Variants in IFT81 observed in about 807,000 individuals in gnomAD.
The protein encoded by IFT81 is intraflagellar transport protein 81 homolog.
IFT81 carries 72 observed loss-of-function variants against 102.6 expected under a neutral mutation model. The observed-to-expected ratio is 0.70, with a 90% CI of 0.58 to 0.85. The LOEUF (loss-of-function observed/expected upper bound fraction) is 0.85, where lower values mean the gene tolerates loss of function less well. Among genes scored for constraint, IFT81 ranks in the 40% least tolerant of loss-of-function variants. IFT81 has a pLI of 0.00. For synonymous variants in IFT81, 237 were observed against 242.7 expected (o/e 0.98, Z 0.22); for missense variants, 723 against 787.3 (o/e 0.92, Z 0.98).
Position 110,178,076 on chromosome 12 carries a change from C to T in IFT81, c.1189-2346C>T, listed in dbSNP as rs139645139. Among the ~76,000 whole-genome samples the T allele has an allele frequency of 6.9e-3, 1,038 of 150,940 alleles. 1 individual carries two copies. The highest frequency in any genetic ancestry group is 9.4e-3 in the Non-Finnish European group (641 of 67,860). ...CGCCACTGTACTCCAGCCTAGGTGACAGAGCGAGACTCTGTCTCAAAGAAA... is the reference window on the plus strand; with the variant it reads ...CGCCACTGTACTCCAGCCTAGGTGATAGAGCGAGACTCTGTCTCAAAGAAA... On this transcript the variant is annotated intron_variant, in intron 11 of 18. Coordinates refer to ENST00000242591, the MANE Select transcript of IFT81 (RefSeq NM_014055.4).
At chr12:110,187,789 T>C (rs1160728407) in intron 12 of IFT81, among the ~76,000 whole-genome samples, 1 of 152,186 alleles carries the variant, frequency 6.6e-6, no homozygotes, top group African/African-American at 2.4e-5. Flanking sequence ...AGCTGGTATT[T>C]CTCCAGTTTT....
chr12:110,156,517 G>C (rs1177193435), intron 10 of IFT81, among the ~76,000 whole-genome samples: 1 of 149,962 alleles, frequency 6.7e-6, no homozygotes, highest in Non-Finnish European at 1.5e-5. Flanking sequence ...TTTTTTTGGA[G>C]ATGGAGTCTC....
chr12:110,205,351 A>G lies in IFT81; in HGVS notation c.1645-92A>G. The G allele has an allele frequency of 5.2e-6, 7 of 1,356,060 alleles. No individual in the cohort carries two copies. In the South Asian group the frequency reaches 1.1e-4, roughly 22 times the overall value. 84.0% of individuals were successfully genotyped at this position (1,356,060 alleles called of 1,614,324 possible). A position where few individuals can be genotyped will look rare whatever the true frequency, so the allele number is the denominator to read the frequency against. ...AATTGCAGAAGAGGAAATGACTCTGATGGTAGTCCTTTGTTGTACATCTAA... is the reference window on the plus strand; with the variant it reads ...AATTGCAGAAGAGGAAATGACTCTGGTGGTAGTCCTTTGTTGTACATCTAA... On this transcript the variant is annotated intron_variant, in intron 15 of 18. Coordinates refer to ENST00000242591, the MANE Select transcript of IFT81 (RefSeq NM_014055.4).
At position 110,163,004 on chromosome 12, in the gene IFT81, C is replaced by T; in HGVS notation, c.1127C>T (p.Ala376Val). 1 of 1,613,842 alleles carries T rather than the reference C, an allele frequency of 6.2e-7. No homozygotes were observed. Among genetic ancestry groups the T allele is most frequent in the South Asian group, 1.1e-5 (1 of 91,076 alleles). Residue 376 changes from alanine to valine, a missense_variant, in exon 11 of 19, where the codon GCA (alanine) becomes GTA (valine). Transcript: ENST00000242591. ...KEKLASLERE[A>V]SVKRNQTREF... ...AAGTTAGCCAGCCTAGAGAGAGAAG[C>T]ATCAGTAAAGAGAAATCAGACCCGT...
rs398044810 is a variant in IFT81, at chr12:110,139,336, CA to C, written c.781+2495del. Reference sequence around the variant, plus strand: ...TGGGCAACAGAGGGAGACTCTGTCTCAAAAAAAAAAAAAAAAAAAGAAAAGG... The same window carrying C: ...TGGGCAACAGAGGGAGACTCTGTCTCAAAAAAAAAAAAAAAAAAGAAAAGG... On this transcript the variant is annotated intron_variant, in intron 8 of 18. Coordinates refer to ENST00000242591, the MANE Select transcript of IFT81 (RefSeq NM_014055.4). 8.4e-3 allele frequency among the ~76,000 whole-genome samples: 444 copies of C among 52,578 alleles called. 4 individuals are homozygous for C. The highest frequency in any genetic ancestry group is 0.033 in the East Asian group (53 of 1,594). 34.5% of individuals were successfully genotyped at this position (52,578 alleles called of 152,430 possible). A position where few individuals can be genotyped will look rare whatever the true frequency, so the allele number is the denominator to read the frequency against.
intron 14 of IFT81, among the ~76,000 whole-genome samples, chr12:110,201,722 C>G (rs1212234523): frequency 6.6e-6 from 1 of 152,126 alleles, no homozygotes. Context: ...GCTGGAATTA[C>G]AAGATTGTGC....
chr12:110,135,664 C>G (rs1894451893), intron 7 of IFT81, among the ~76,000 whole-genome samples: 2 of 151,870 alleles, frequency 1.3e-5, no homozygotes, highest in African/African-American at 4.8e-5. Context: ...GTCAGGAGTT[C>G]AAGACCAGCC....
At chr12:110,131,773 C>G (rs1170103890) in intron 4 of IFT81, among the ~76,000 whole-genome samples, 1 of 152,114 alleles carries the variant, frequency 6.6e-6, no homozygotes, top group Non-Finnish European at 1.5e-5. Context: ...TGGAGGGAGA[C>G]AGACAGAAAA....
Position 110,180,481 on chromosome 12 carries a change from G to C in IFT81, c.1248G>C (p.Gln416His). The C allele has an allele frequency of 6.2e-7, 1 of 1,611,188 alleles. No individual in the cohort carries two copies. Residue 416 changes from glutamine (Q) to histidine (H), a missense_variant, in exon 12 of 19, where the codon CAG (glutamine) becomes CAC (histidine). Gln to His is a conservative substitution (Grantham distance 24). Coordinates refer to ENST00000242591, the MANE Select transcript of IFT81 (RefSeq NM_014055.4). ...SKSTVFKKKH[Q>H]IIAELKAEFG... ...GTACAGTTTTCAAAAAGAAGCATCA[G>C]ATAATAGCTGAACTTAAAGCTGAAT...
chr12:110,197,590 C>A (rs1898072058), intron 14 of IFT81, among the ~76,000 whole-genome samples: 1 of 140,146 alleles, frequency 7.1e-6, no homozygotes, highest in African/African-American at 2.6e-5. Flanking sequence ...ATATACCTCA[C>A]TTAACAAAGT....
intron 9 of IFT81, among the ~76,000 whole-genome samples, chr12:110,144,189 GTTGTTGTTGTTT>G (rs1431535571): frequency 6.8e-5 from 10 of 147,390 alleles, no homozygotes; most frequent in South Asian, 4.3e-4. Flanking sequence ...ATTTTTTGTT[GTTGTTGTTGTTT>G]TTGTTGTTGT....
intron 8 of IFT81, among the ~76,000 whole-genome samples, chr12:110,139,422 C>T (rs1894717436): frequency 6.6e-6 from 1 of 151,192 alleles, no homozygotes; most frequent in South Asian, 2.1e-4. Context: ...CACCTATAAT[C>T]ATACTCCTTT....
At position 110,128,101 on chromosome 12, in the gene IFT81, G is replaced by A; in HGVS notation, c.200G>A (p.Ser67Asn). 1.2e-6 allele frequency: 2 copies of A among 1,613,672 alleles called. No homozygotes were observed. Among genetic ancestry groups the A allele is most frequent in the Non-Finnish European group, 1.7e-6 (2 of 1,179,690 alleles). Residue 67 changes from serine (S) to asparagine (N), a missense_variant, in exon 3 of 19, where the codon AGC becomes AAC. Transcript: ENST00000242591. ...MPEQTAKRMLSLLGILKYKPS... is the reference protein window; with the variant it reads ...MPEQTAKRMLNLLGILKYKPS... Reference sequence around the variant, plus strand: ...GAGCAGACAGCCAAACGAATGTTGAGCCTTCTTGGTATTCTTAAGTACAAA... The same window carrying A: ...GAGCAGACAGCCAAACGAATGTTGAACCTTCTTGGTATTCTTAAGTACAAA...
chr12:110,125,686 C>T (rs139002327), intron 1 of IFT81, among the ~76,000 whole-genome samples: 6 of 152,378 alleles, frequency 3.9e-5, no homozygotes, highest in Non-Finnish European at 1.5e-5. Context: ...AGAACGACAG[C>T]TCCCGGCAGC....
intron 11 of IFT81, among the ~76,000 whole-genome samples, chr12:110,164,116 G>A (rs1170825320): frequency 6.6e-6 from 1 of 152,092 alleles, no homozygotes; most frequent in African/African-American, 2.4e-5. Flanking sequence ...GGACTGACAT[G>A]ATTAAAATGA....
chr12:110,143,582 A>T (rs978407342), intron 9 of IFT81, 37 bp downstream of exon 9: 7 of 1,474,034 alleles, frequency 4.7e-6, no homozygotes, highest in Non-Finnish European at 6.4e-6. Flanking sequence ...TCTCAATTTT[A>T]TCTGATCCCC....
At chr12:110,143,904 T>C (rs771986404) in intron 9 of IFT81, among the ~76,000 whole-genome samples, 8 of 152,154 alleles carry the variant, frequency 5.3e-5, no homozygotes, top group Non-Finnish European at 1.2e-4. Context: ...CAAAATATTA[T>C]AGCAATTTTA....
intron 13 of IFT81, among the ~76,000 whole-genome samples, chr12:110,191,565 C>T (rs1365459531): frequency 1.3e-5 from 2 of 151,682 alleles, no homozygotes; most frequent in Admixed American, 6.6e-5. Flanking sequence ...TTTTAATGTG[C>T]AAAAGTTATA....
chr12:110,217,316 A>G (rs1870259265), intron 18 of IFT81, among the ~76,000 whole-genome samples: 1 of 151,778 alleles, frequency 6.6e-6, no homozygotes, highest in African/African-American at 2.4e-5. Flanking sequence ...AAGTGCTGGG[A>G]TTACAGTCGT....
Sources: allele counts gnomAD v4.1 joint callset (sites outside exome capture counted in the v4.1 genomes callset), GRCh38; gene constraint gnomAD v4.1.1; transcripts MANE v1.5; gene names NCBI Gene and HGNC (gene_info 2026-07-23, HGNC 2026-07-21).